Variants in DNAH12 observed in about 807,000 individuals in gnomAD.
DNAH12 encodes axonemal beta dynein heavy chain 12.
A neutral mutation model predicts 371.5 loss-of-function variants in DNAH12; 285 were observed. The observed-to-expected ratio is 0.77, with a 90% confidence interval of 0.70 to 0.85. The LOEUF (loss-of-function observed/expected upper bound fraction) is 0.85. Ranked by LOEUF, DNAH12 falls within the 40% of genes least tolerant of loss-of-function variation. The probability of loss-of-function intolerance (pLI) is 0.00; values close to 1 mark genes in which losing one functional copy is unlikely to be tolerated. For missense variants in DNAH12, 3,611 were observed against 3,689.4 expected (o/e 0.98, Z 0.55); for synonymous variants, 1,200 against 1,213.0 (o/e 0.99, Z 0.22).
intron 45 of DNAH12, among the ~76,000 whole-genome samples, chr3:57,389,798 ATG>A (rs1211815764): frequency 0.14 from 12,752 of 92,586 alleles, 1,759 homozygotes; most frequent in East Asian, 0.65. Context: ...ATATACACAT[ATG>A]TGTGTGTGTG....
chr3:57,525,193 G>A (rs952133648), intron 2 of DNAH12, among the ~76,000 whole-genome samples: 2 of 151,100 alleles, frequency 1.3e-5, no homozygotes, highest in African/African-American at 4.9e-5. Context: ...TGAAGGAAAG[G>A]GTGTCCACTG....
intron 17 of DNAH12, among the ~76,000 whole-genome samples, chr3:57,465,892 T>C (rs1354568066): frequency 6.6e-6 from 1 of 152,078 alleles, no homozygotes; most frequent in African/African-American, 2.4e-5. Context: ...GTAAGAGAAA[T>C]GAAAATTCTC....
intron 24 of DNAH12, 78 bp downstream of exon 24, chr3:57,453,169 G>T: frequency 1.4e-6 from 2 of 1,473,792 alleles, no homozygotes; most frequent in Non-Finnish European, 1.8e-6. Context: ...GTTGAGAGAA[G>T]AATACATATA....
intron 60 of DNAH12, among the ~76,000 whole-genome samples, chr3:57,341,616 C>T (rs1365937144): frequency 6.6e-6 from 1 of 151,786 alleles, no homozygotes. Context: ...TTGAAGAAGA[C>T]ATCAAAAAAT....
intron 13 of DNAH12, among the ~76,000 whole-genome samples, chr3:57,476,525 C>T (rs941845993): frequency 2.6e-5 from 4 of 152,142 alleles, no homozygotes; most frequent in Admixed American, 2.0e-4. Flanking sequence ...AACCTCACCA[C>T]TGCACTCCAG....
intron 2 of DNAH12, 28 bp downstream of exon 2, chr3:57,542,672 CA>C (rs1196109444): frequency 6.5e-7 from 1 of 1,526,904 alleles, no homozygotes; most frequent in African/African-American, 1.4e-5. Flanking sequence ...GAATTCCAAG[CA>C]AGAATTATCT....
rs149582376 is a variant in DNAH12, at chr3:57,435,693, G to C, written c.4655+1258C>G. On this transcript the variant is annotated intron_variant, in intron 30 of 73. Coordinates refer to ENST00000495027, the MANE Select transcript of DNAH12 (RefSeq NM_001366028.2). ...CCTTGGGAACTAGGTGTGGTGGTGC[G>C]CACCTGTAGTCCCAGCTACTCAGGA... 1.9e-3 allele frequency among the ~76,000 whole-genome samples: 295 copies of C among 152,084 alleles called. 1 individual carries two copies. The highest frequency in any genetic ancestry group is 6.8e-3 in the Middle Eastern group (2 of 294).
intron 37 of DNAH12, among the ~76,000 whole-genome samples, chr3:57,416,651 T>A (rs1357850410): frequency 6.6e-6 from 1 of 152,154 alleles, no homozygotes; most frequent in African/African-American, 2.4e-5. Context: ...TTGTGAGAGA[T>A]GGAATGACAG....
intron 55 of DNAH12, among the ~76,000 whole-genome samples, chr3:57,371,831 G>A (rs2063177491): frequency 6.6e-6 from 1 of 150,488 alleles, no homozygotes; most frequent in Admixed American, 6.7e-5. Flanking sequence ...CTTCTCATCA[G>A]ACTATGTAGG....
chr3:57,498,554 A>G (rs1162265443), intron 11 of DNAH12: 2 of 717,024 alleles, frequency 2.8e-6, no homozygotes, highest in African/African-American at 1.7e-5. Flanking sequence ...AAGAGAAATG[A>G]AAGCATATGT....
intron 3 of DNAH12, 77 bp downstream of exon 3, chr3:57,523,724 TCA>T: frequency 3.0e-6 from 4 of 1,331,830 alleles, no homozygotes; most frequent in Non-Finnish European, 4.0e-6. Flanking sequence ...TTTAAAAACA[TCA>T]GTTATATTGA....
chr3:57,460,025 A>G (rs1193502614), intron 19 of DNAH12, among the ~76,000 whole-genome samples: 5 of 152,118 alleles, frequency 3.3e-5, no homozygotes, highest in Admixed American at 6.6e-5. Context: ...CCAGTTTCCT[A>G]ATTTCTCGGT....
chr3:57,403,463 A>G lies in DNAH12; in HGVS notation c.6794T>C (p.Leu2265Pro). Residue 2265 changes from leucine (L) to proline (P), a missense_variant, in exon 43 of 74, where the codon CTA (leucine) becomes CCA (proline). By Grantham distance (98) the Leu-to-Pro change is moderately conservative. Around this residue, in one of 3 missense-constraint regions of DNAH12, gnomAD observed 2,266 missense variants for 2,236.9 expected, o/e 1.01. Transcript: ENST00000495027. ...CAAAGCATTTCCACCAGATTGCTTT[A>G]GAACTCGACATATTCTTGATAAATG... The part of the protein sequence containing the change: ...LEHLSRICRV[L>P]KQSGGNALLV... 6.4e-7 allele frequency: 1 copy of G among 1,550,838 alleles called. No individual in the cohort carries two copies. Among genetic ancestry groups the G allele is most frequent in the Non-Finnish European group, 8.7e-7 (1 of 1,146,738 alleles).
At chr3:57,407,335 C>G (rs888267033) in intron 40 of DNAH12, among the ~76,000 whole-genome samples, 3 of 150,420 alleles carry the variant, frequency 2.0e-5, no homozygotes, top group African/African-American at 7.3e-5. Flanking sequence ...CTTTCTGTAT[C>G]CCCTTCTACC....
At chr3:57,302,040 T>A in intron 69 of DNAH12, 101 bp from the exon 70 acceptor site, 6 of 1,275,190 alleles carry the variant, frequency 4.7e-6, no homozygotes, top group Non-Finnish European at 6.5e-6. Context: ...CTTTATGGGA[T>A]TGCTTCCCAA....
intron 45 of DNAH12, among the ~76,000 whole-genome samples, chr3:57,389,840 A>ATGT (rs1559608294): frequency 1.0e-5 from 1 of 98,674 alleles, no homozygotes; most frequent in Non-Finnish European, 2.3e-5. Flanking sequence ...ATATATATAT[A>ATGT]ATACTTTTTT....
chr3:57,353,246 C>A (rs1432570713), intron 59 of DNAH12, among the ~76,000 whole-genome samples: 1 of 151,646 alleles, frequency 6.6e-6, no homozygotes, highest in East Asian at 1.9e-4. Context: ...AAATGTAATA[C>A]TTATGGGAAT....
chr3:57,437,449 T>C (rs2065164116), intron 29 of DNAH12, among the ~76,000 whole-genome samples: 2 of 152,314 alleles, frequency 1.3e-5, no homozygotes, highest in African/African-American at 2.4e-5. Flanking sequence ...TTTAAACACA[T>C]AGAAGTACTT....
At chr3:57,428,576 TAGTC>T in intron 34 of DNAH12, 53 bp downstream of exon 34, 1 of 1,510,902 alleles carries the variant, frequency 6.6e-7, no homozygotes, top group South Asian at 1.3e-5. Context: ...ACTTTAGACT[TAGTC>T]AAGTTGAATG....
Sources: gnomAD v4.1 joint callset for allele counts (sites outside exome capture counted in the v4.1 genomes callset) on GRCh38, gnomAD v4.1.1 for gene constraint, gnomAD v4.1.1 regional missense constraint, MANE v1.5 for transcripts, NCBI Gene and HGNC (gene_info 2026-07-23, HGNC 2026-07-21) for gene names.